The following CSMD1 variants were observed in gnomAD, a reference collection of about 807,000 sequenced individuals.
The protein encoded by CSMD1 is CUB and Sushi multiple domains 1.
A neutral mutation model predicts 417.5 loss-of-function variants in CSMD1; 213 were observed. That is an observed-to-expected ratio of 0.51 (90% CI 0.46 to 0.57). The LOEUF (loss-of-function observed/expected upper bound fraction) is 0.57, where lower values mean the gene tolerates loss of function less well. CSMD1 is among the 20% of genes least tolerant of loss of function. The pLI, the probability that CSMD1 is intolerant of heterozygous loss-of-function variation, is 0.00. For synonymous variants in CSMD1, 2,862 were observed against 1,736.8 expected (o/e 1.65, Z -16.11); for missense variants, 6,923 against 4,529.7 (o/e 1.53, Z -15.17).
intron 2 of CSMD1, among the ~76,000 whole-genome samples, chr8:4,456,103 A>G (rs1228148740): frequency 6.7e-6 from 1 of 149,728 alleles, no homozygotes; most frequent in Non-Finnish European, 1.5e-5. Context: ...CGTACTGCAC[A>G]CTTAAAATAA....
chr8:4,168,036 G>A (rs112527049), intron 3 of CSMD1, among the ~76,000 whole-genome samples: 3,870 of 151,980 alleles, frequency 0.025, 140 homozygotes, highest in African/African-American at 0.075. Flanking sequence ...AGCTGAGGCC[G>A]TAGAATTGCT....
chr8:3,224,699 T>C (rs1336348159), intron 27 of CSMD1, among the ~76,000 whole-genome samples: 3 of 152,222 alleles, frequency 2.0e-5, no homozygotes, highest in African/African-American at 4.8e-5. Flanking sequence ...TTGAATTAAA[T>C]GTGTTTACAT....
At chr8:4,598,294 G>C (rs528910587) in intron 2 of CSMD1, among the ~76,000 whole-genome samples, 6 of 152,288 alleles carry the variant, frequency 3.9e-5, no homozygotes, top group East Asian at 3.9e-4. Context: ...TTTGCTATTT[G>C]AATTACGAAT....
intron 12 of CSMD1, among the ~76,000 whole-genome samples, chr8:3,447,866 C>T (rs1050347084): frequency 5.9e-5 from 9 of 152,052 alleles, no homozygotes; most frequent in African/African-American, 2.2e-4. Flanking sequence ...CTTTACTCTT[C>T]GTTCCTCAAG....
At position 3,288,478 on chromosome 8, in the gene CSMD1, C is replaced by G. The variant is rs1034658987; in HGVS notation, c.3951-4132G>C. Among the ~76,000 whole-genome samples, 2 of 146,784 alleles carry G rather than the reference C, an allele frequency of 1.4e-5. 1 individual carries two copies. On this transcript the variant is annotated intron_variant, in intron 25 of 69. Transcript: ENST00000635120. ...ACTGATTATTGCCTCAATTTCAGACCCTGTTATTGGTCTATTCAGAGATTC... is the reference window on the plus strand; with the variant it reads ...ACTGATTATTGCCTCAATTTCAGACGCTGTTATTGGTCTATTCAGAGATTC...
chr8:4,894,957 G>C (rs900430107), intron 1 of CSMD1, among the ~76,000 whole-genome samples: 1 of 152,130 alleles, frequency 6.6e-6, no homozygotes, highest in Non-Finnish European at 1.5e-5. Flanking sequence ...AATGGCTGAG[G>C]TTCAGGGCTC....
At chr8:3,308,693 T>A (rs187086791) in intron 23 of CSMD1, among the ~76,000 whole-genome samples, 190 bp from the exon 24 acceptor site, 7 of 150,786 alleles carry the variant, frequency 4.6e-5, no homozygotes, top group Non-Finnish European at 1.0e-4. Context: ...TGTGATTTCT[T>A]GAAGTTCGGT....
At chr8:4,067,181 C>T (rs186968109) in intron 3 of CSMD1, among the ~76,000 whole-genome samples, 13 of 152,190 alleles carry the variant, frequency 8.5e-5, no homozygotes, top group Non-Finnish European at 1.8e-4. Context: ...GGGTGAAAGG[C>T]TATCCTCCGT....
intron 42 of CSMD1, among the ~76,000 whole-genome samples, chr8:3,110,811 A>G (rs781042615): frequency 1.6e-4 from 24 of 152,232 alleles, no homozygotes; most frequent in Non-Finnish European, 3.4e-4. Context: ...TTACAGATCT[A>G]TACCTGAAGA....
chr8:3,141,385 A>C (rs1275635636), intron 41 of CSMD1, among the ~76,000 whole-genome samples: 1 of 152,218 alleles, frequency 6.6e-6, no homozygotes, highest in Admixed American at 6.5e-5. Context: ...TTTGGGAAGG[A>C]ATTCAATTCC....
chr8:4,901,596 C>T (rs762806459), intron 1 of CSMD1, among the ~76,000 whole-genome samples: 1 of 152,166 alleles, frequency 6.6e-6, no homozygotes, highest in Non-Finnish European at 1.5e-5. Flanking sequence ...TTTCCGGACA[C>T]TTCTATTAGC....
chr8:4,933,080 G>A (rs1015140742), intron 1 of CSMD1, among the ~76,000 whole-genome samples: 7 of 141,208 alleles, frequency 5.0e-5, no homozygotes, highest in Non-Finnish European at 1.2e-4. Context: ...ACTTTCTTTT[G>A]CGGCTTGAAG....
At chr8:3,250,278 A>C (rs981354192) in intron 26 of CSMD1, among the ~76,000 whole-genome samples, 1 of 152,092 alleles carries the variant, frequency 6.6e-6, no homozygotes, top group Non-Finnish European at 1.5e-5. Context: ...CTCATTGTTC[A>C]ATTCCCACCT....
intron 4 of CSMD1, among the ~76,000 whole-genome samples, chr8:4,011,531 C>A (rs982740087): frequency 1.3e-5 from 2 of 152,118 alleles, no homozygotes; most frequent in Non-Finnish European, 2.9e-5. Context: ...GGGTTTCCTG[C>A]AGAAGGCCCA....
At chr8:3,202,470 T>G (rs376857783) in intron 31 of CSMD1, among the ~76,000 whole-genome samples, 1 of 152,186 alleles carries the variant, frequency 6.6e-6, no homozygotes, top group Non-Finnish European at 1.5e-5. Context: ...AAGTGAAACA[T>G]AACTACATGC....
intron 1 of CSMD1, among the ~76,000 whole-genome samples, chr8:4,841,260 A>G (rs567082465): frequency 1.3e-5 from 2 of 152,376 alleles, no homozygotes; most frequent in African/African-American, 2.4e-5. Context: ...CACTTCACCA[A>G]TGCAGCCTTT....
chr8:3,954,274 C>A (rs962918775), intron 5 of CSMD1, among the ~76,000 whole-genome samples: 2 of 152,188 alleles, frequency 1.3e-5, no homozygotes, highest in Non-Finnish European at 2.9e-5. Context: ...GACCTTAGAA[C>A]AGGAAAGGAA....
At position 3,486,570 on chromosome 8, in the gene CSMD1, T is replaced by C. The variant is rs557791643; in HGVS notation, c.1448+7053A>G. ...AGCCACAGTGAGTCTACACCTGTGA[T>C]AGAACAGCCAGAACAACTGGAAATG... On this transcript the variant is annotated intron_variant, in intron 11 of 69. Coordinates refer to ENST00000635120, the MANE Select transcript of CSMD1 (RefSeq NM_033225.6). Among the ~76,000 whole-genome samples, 11 of 152,344 alleles carry C rather than the reference T, an allele frequency of 7.2e-5. No homozygotes were observed. In the South Asian group the frequency reaches 1.2e-3, roughly 17 times the overall value.
intron 50 of CSMD1, among the ~76,000 whole-genome samples, chr8:3,040,413 T>TATATATATAA (rs1554496473): frequency 7.2e-5 from 10 of 139,800 alleles, no homozygotes; most frequent in East Asian, 2.1e-4. Context: ...TATATATATA[T>TATATATATAA]AACAGAAATA....
Sources: gnomAD v4.1 joint callset for allele counts (sites outside exome capture counted in the v4.1 genomes callset) on GRCh38, gnomAD v4.1.1 for gene constraint, MANE v1.5 for transcripts, NCBI Gene and HGNC (gene_info 2026-07-23, HGNC 2026-07-21) for gene names.